The following PCDHA13 variants were observed in gnomAD, a reference collection of about 807,000 sequenced individuals.
The protein encoded by PCDHA13 is protocadherin alpha-13.
A neutral mutation model predicts 64.8 loss-of-function variants in PCDHA13; 54 were observed. The ratio of observed to expected loss-of-function variants is 0.83; its 90% CI spans 0.67 to 1.04. The LOEUF (loss-of-function observed/expected upper bound fraction) is 1.04. Ranked by LOEUF, PCDHA13 falls within the 50% of genes least tolerant of loss-of-function variation. The pLI is 0.00. For synonymous variants in PCDHA13, 587 were observed against 564.4 expected, an observed-to-expected ratio of 1.04 and a Z score of -0.57; for missense variants, 1,248 against 1,254.3, an observed-to-expected ratio of 0.99 and a Z score of 0.08.
chr5:140,927,317 G>A lies in PCDHA13; in HGVS notation c.2394+42655G>A, dbSNP rs782172424. ...CCCGAGTTCCTGACGCCCGGAGCCCGCTTTACTCTCCCGAATGCCCAAGAT... is the reference window on the plus strand; with the variant it reads ...CCCGAGTTCCTGACGCCCGGAGCCCACTTTACTCTCCCGAATGCCCAAGAT... On this transcript the variant is annotated intron_variant, in intron 1 of 3. Coordinates refer to ENST00000289272, the MANE Select transcript of PCDHA13 (RefSeq NM_018904.3). 3.2e-5 allele frequency: 52 copies of A among 1,614,146 alleles called. 1 individual carries two copies. The South Asian group carries it at 5.2e-4, about 16-fold the overall frequency.
At position 140,928,712 on chromosome 5, in the gene PCDHA13, G is replaced by A; in HGVS notation, c.2394+44050G>A. 3.1e-6 allele frequency: 5 copies of A among 1,614,168 alleles called. No homozygotes were observed. The highest frequency in any genetic ancestry group is 4.2e-6 in the Non-Finnish European group (5 of 1,180,042). Reference sequence around the variant, plus strand: ...CACATCTCCCGGGCGTCTGACTCTAGTCTCTTTAGAATTTCAGCCAATATA... The same window carrying A: ...CACATCTCCCGGGCGTCTGACTCTAATCTCTTTAGAATTTCAGCCAATATA... On this transcript the variant is annotated intron_variant, in intron 1 of 3. Coordinates refer to ENST00000289272, the MANE Select transcript of PCDHA13 (RefSeq NM_018904.3).
At chr5:140,927,652 C>T (rs868980158) in intron 1 of PCDHA13, 28 of 1,614,054 alleles carry the variant, frequency 1.7e-5, no homozygotes, top group African/African-American at 9.3e-5. Flanking sequence ...TGTGTTATTC[C>T]GAGTTCAAGC....
intron 1 of PCDHA13, among the ~76,000 whole-genome samples, chr5:140,895,670 G>C (rs551602030): frequency 3.9e-5 from 6 of 152,250 alleles, no homozygotes; most frequent in Non-Finnish European, 8.8e-5. Context: ...AGAACATGTA[G>C]TATTTGGTTT....
At chr5:140,941,194 T>TTTCTTC (rs2092780236) in intron 1 of PCDHA13, among the ~76,000 whole-genome samples, 5 of 112,438 alleles carry the variant, frequency 4.4e-5, no homozygotes, top group African/African-American at 1.8e-4. Flanking sequence ...TCTTTTTTTT[T>TTTCTTC]CTTTCTTCCT....
intron 1 of PCDHA13, among the ~76,000 whole-genome samples, chr5:140,972,821 G>A (rs372160406): frequency 3.3e-5 from 5 of 152,010 alleles, no homozygotes; most frequent in East Asian, 3.9e-4. Flanking sequence ...GCGCCACCAC[G>A]CCTGGCTAAT....
At chr5:140,966,416 A>T in intron 1 of PCDHA13, 1 of 419,730 alleles carries the variant, frequency 2.4e-6, no homozygotes, top group Non-Finnish European at 4.1e-6. Context: ...TCAGAGCAGG[A>T]CTTGCTGAGC....
intron 1 of PCDHA13, among the ~76,000 whole-genome samples, chr5:140,903,708 T>C (rs1460220411): frequency 1.3e-5 from 2 of 152,212 alleles, no homozygotes; most frequent in Non-Finnish European, 2.9e-5. Context: ...AGTAATAAAA[T>C]ATACAATTCT....
At chr5:140,897,188 A>AT (rs1353420094) in intron 1 of PCDHA13, among the ~76,000 whole-genome samples, 5 of 152,104 alleles carry the variant, frequency 3.3e-5, no homozygotes, top group African/African-American at 7.2e-5. Flanking sequence ...CAAAAAATAT[A>AT]TTTTTTTATT....
At chr5:140,888,706 T>G (rs1554183604) in intron 1 of PCDHA13, among the ~76,000 whole-genome samples, 1 of 152,196 alleles carries the variant, frequency 6.6e-6, no homozygotes, top group African/African-American at 2.4e-5. Context: ...TTGGTAGGAA[T>G]GTGAAATATT....
chr5:140,920,118 T>A (rs1196076867), intron 1 of PCDHA13, among the ~76,000 whole-genome samples: 1 of 152,164 alleles, frequency 6.6e-6, no homozygotes, highest in Non-Finnish European at 1.5e-5. Context: ...CTTGCCAACA[T>A]CTTGAGTTTT....
chr5:140,888,558 C>T (rs782768307), intron 1 of PCDHA13, among the ~76,000 whole-genome samples: 6 of 152,188 alleles, frequency 3.9e-5, no homozygotes, highest in Non-Finnish European at 7.3e-5. Flanking sequence ...TTATTCCTTT[C>T]AAGGCTTCAT....
At chr5:140,897,782 T>G (rs1378743158) in intron 1 of PCDHA13, among the ~76,000 whole-genome samples, 6 of 152,182 alleles carry the variant, frequency 3.9e-5, no homozygotes, top group Admixed American at 3.9e-4. Flanking sequence ...CCACAATGGT[T>G]GAACTAGTTT....
At chr5:140,965,281 G>A (rs574183012) in intron 1 of PCDHA13, among the ~76,000 whole-genome samples, 1 of 152,310 alleles carries the variant, frequency 6.6e-6, no homozygotes, top group African/African-American at 2.4e-5. Flanking sequence ...GACACAGCAT[G>A]GAAAGATTTC....
chr5:140,903,550 C>T lies in PCDHA13; in HGVS notation c.2394+18888C>T, dbSNP rs139225982. 2.6e-3 allele frequency among the ~76,000 whole-genome samples: 396 copies of T among 152,250 alleles called. 2 individuals carry two copies. The highest frequency in any genetic ancestry group is 9.3e-3 in the African/African-American group (385 of 41,564). The stretch of plus-strand genomic sequence containing the variant: ...CTTTAAACTAGAGCAAGAAACTTTT[C>T]TAATAAGTGGAATTGGGAGCTGTCT... On this transcript the variant is annotated intron_variant, in intron 1 of 3. Transcript: ENST00000289272.
chr5:140,965,193 A>G (rs1232668450), intron 1 of PCDHA13, among the ~76,000 whole-genome samples: 1 of 152,252 alleles, frequency 6.6e-6, no homozygotes, highest in East Asian at 1.9e-4. Flanking sequence ...CACATGAGGC[A>G]ATAGATTTCA....
chr5:140,967,515 C>G, intron 1 of PCDHA13: 1 of 1,612,792 alleles, frequency 6.2e-7, no homozygotes, highest in Non-Finnish European at 8.5e-7. Flanking sequence ...GTCCTGGACA[C>G]TAACGACAAC....
At chr5:141,006,880 G>A (rs1554260955) in intron 3 of PCDHA13, among the ~76,000 whole-genome samples, 1 of 152,192 alleles carries the variant, frequency 6.6e-6, no homozygotes, top group Non-Finnish European at 1.5e-5. Flanking sequence ...GAGGAATCAA[G>A]AGTTTGATTT....
intron 1 of PCDHA13, among the ~76,000 whole-genome samples, chr5:140,940,564 T>C (rs1481591678): frequency 2.0e-5 from 3 of 152,228 alleles, no homozygotes; most frequent in Non-Finnish European, 4.4e-5. Flanking sequence ...TTCTCCTACC[T>C]TGGCTCCCAA....
intron 1 of PCDHA13, chr5:140,968,976 A>G (rs1410286561): frequency 2.5e-6 from 4 of 1,614,074 alleles, no homozygotes; most frequent in African/African-American, 1.3e-5. Flanking sequence ...TACACTGCGT[A>G]TGGCACTGCA....
Sources: allele counts gnomAD v4.1 joint callset (sites outside exome capture counted in the v4.1 genomes callset), GRCh38; gene constraint gnomAD v4.1.1; transcripts MANE v1.5; gene names NCBI Gene and HGNC (gene_info 2026-07-23, HGNC 2026-07-21).